Variants in RNF157 observed in about 807,000 individuals in gnomAD.
RNF157 encodes the protein ring finger protein 157, also known as E3 ubiquitin ligase RNF157.
A neutral mutation model predicts 88.3 loss-of-function variants in RNF157; 55 were observed. That is an observed-to-expected ratio of 0.62 (90% CI 0.50 to 0.78). The LOEUF is 0.78. Among genes scored for constraint, RNF157 ranks in the 30% least tolerant of loss-of-function variants. The pLI is 0.00. For missense variants in RNF157, 788 were observed against 860.8 expected (o/e 0.92, Z 1.06); for synonymous variants, 334 against 341.2 (o/e 0.98, Z 0.23).
chr17:76,234,149 T>G (rs767041574), intron 1 of RNF157, among the ~76,000 whole-genome samples: 2 of 152,234 alleles, frequency 1.3e-5, no homozygotes, highest in Non-Finnish European at 2.9e-5. Context: ...CTTTTGCACC[T>G]GGCTTATTTC....
rs560792711 is a variant in RNF157, at chr17:76,187,156, T to C, written c.208-13366A>G. Among the ~76,000 whole-genome samples the C allele has an allele frequency of 3.4e-3, 520 of 152,020 alleles. 1 individual carries two copies. The highest frequency in any genetic ancestry group is 5.0e-3 in the Non-Finnish European group (341 of 67,946). ...GGGAAGAAAGTCACTATTCAATCAA[T>C]AACTCTAATAGGATTTTCTTTTTTT... On this transcript the variant is annotated intron_variant, in intron 2 of 18. Transcript: ENST00000269391.
Position 76,240,449 on chromosome 17 carries a change from G to T in RNF157, c.-209C>A, listed in dbSNP as rs1449557958. The stretch of plus-strand genomic sequence containing the variant: ...CCGCGGCGGCGCCTCTGCCAAGGGG[G>T]CTGCGGGTCTGGGCCGGGGGCGCCG... On this transcript the variant is annotated 5_prime_UTR_variant, in exon 1 of 19. Transcript: ENST00000269391. The surrounding 1 kb of genome is among the most constrained non-coding windows in gnomAD (Gnocchi z 4.4). 1 of 147,252 alleles carries T rather than the reference G, an allele frequency of 6.8e-6. No homozygotes were observed. Among genetic ancestry groups the T allele is most frequent in the East Asian group, 2.0e-4 (1 of 5,096 alleles). 9.1% of individuals were successfully genotyped at this position (147,252 alleles called of 1,614,324 possible).
chr17:76,222,243 G>A (rs776754263), intron 1 of RNF157, among the ~76,000 whole-genome samples: 24 of 152,182 alleles, frequency 1.6e-4, no homozygotes, highest in East Asian at 7.7e-4. Flanking sequence ...CTACTTGGGA[G>A]GCTGAGGCAC....
At chr17:76,162,293 T>TA in intron 9 of RNF157, 1 of 580,960 alleles carries the variant, frequency 1.7e-6, no homozygotes, top group East Asian at 2.9e-5. Context: ...ATCACACAGA[T>TA]AAAGGAAAAG....
At chr17:76,203,025 G>T (rs904222268) in intron 2 of RNF157, among the ~76,000 whole-genome samples, 2 of 151,880 alleles carry the variant, frequency 1.3e-5, no homozygotes, top group Non-Finnish European at 2.9e-5. Context: ...AGAGGGTCTC[G>T]TCCAGCCCAG....
chr17:76,232,200 T>A (rs72868742), intron 1 of RNF157, among the ~76,000 whole-genome samples: 1 of 151,918 alleles, frequency 6.6e-6, no homozygotes, highest in South Asian at 2.1e-4. Context: ...CAGGGCAACG[T>A]AGTGGGACCC....
At position 76,152,406 on chromosome 17, in the gene RNF157, C is replaced by T. The variant is rs140091781; in HGVS notation, c.1870G>A (p.Ala624Thr). ...ECDNNNDFDI[A>T]SVKALDNKLC... is the part of the protein sequence containing the mutation. ...TTATTGTCCAGTGCTTTCACGCTTG[C>T]GATGTCAAAGTCATTGTTATTGTCA... Residue 624 changes from alanine to threonine, a missense_variant, in exon 18 of 19, where the codon GCA (alanine) becomes ACA (threonine). Ala to Thr is a moderately conservative substitution (Grantham distance 58, BLOSUM62 0). Coordinates refer to ENST00000269391, the MANE Select transcript of RNF157 (RefSeq NM_052916.3). 1.6e-4 allele frequency: 251 copies of T among 1,613,778 alleles called. 1 individual carries two copies. The African/African-American group carries it at 2.9e-3, about 18-fold the overall frequency.
intron 15 of RNF157, 21 bp downstream of exon 15, chr17:76,155,541 G>C (rs758260386): frequency 1.2e-6 from 2 of 1,607,090 alleles, no homozygotes; most frequent in South Asian, 1.1e-5. Flanking sequence ...AAGCCAGGGC[G>C]GTTCCCGTCC....
At chr17:76,153,134 G>C (rs534904737) in intron 17 of RNF157, 1 of 152,330 alleles carries the variant, frequency 6.6e-6, no homozygotes, top group Admixed American at 6.5e-5. Flanking sequence ...GTGAAACAGA[G>C]AGAAGAAAAC....
At chr17:76,185,333 T>C (rs1182475900) in intron 2 of RNF157, among the ~76,000 whole-genome samples, 2 of 152,346 alleles carry the variant, frequency 1.3e-5, no homozygotes, top group African/African-American at 2.4e-5. Flanking sequence ...TTGCTTTTAG[T>C]TGCAAAAGAT....
rs1458981950 is a variant in RNF157, at chr17:76,146,642, C to T, written c.1922-1289G>A. On this transcript the variant is annotated intron_variant, in intron 18 of 18. Transcript: ENST00000269391. The surrounding 1 kb of genome is among the most constrained non-coding windows in gnomAD (Gnocchi z 4.2). ...GGGAGGCCCAGTGTGCTCCTAAGTG[C>T]TCCCTGCAGCCTGAACTACTGCTCC... 4.1e-6 allele frequency: 4 copies of T among 985,370 alleles called. No individual in the cohort carries two copies. In the African/African-American group the frequency reaches 5.2e-5, roughly 13 times the overall value. 61.0% of individuals were successfully genotyped at this position (985,370 alleles called of 1,614,324 possible).
At chr17:76,147,066 T>C in intron 18 of RNF157, 2 of 985,384 alleles carry the variant, frequency 2.0e-6, no homozygotes, top group Non-Finnish European at 2.4e-6. Context: ...ATATCCAAAC[T>C]GAATTTGGGA....
chr17:76,155,419 A>G lies in RNF157; in HGVS notation c.1699-102T>C, dbSNP rs944929852. 9.7e-6 allele frequency: 14 copies of G among 1,449,104 alleles called. No individual in the cohort carries two copies. In the African/African-American group the frequency reaches 2.0e-4, roughly 20 times the overall value. 89.8% of individuals were successfully genotyped at this position (1,449,104 alleles called of 1,614,324 possible). A position where few individuals can be genotyped will look rare whatever the true frequency, so the allele number is the denominator to read the frequency against. ...AATTGGTGTCAAATAGGAGGGTCAGACCTAAGGGAATGCCTTGTTTTCTGC... is the reference window on the plus strand; with the variant it reads ...AATTGGTGTCAAATAGGAGGGTCAGGCCTAAGGGAATGCCTTGTTTTCTGC... On this transcript the variant is annotated intron_variant, in intron 15 of 18. Coordinates refer to ENST00000269391, the MANE Select transcript of RNF157 (RefSeq NM_052916.3).
In RNF157 at chr17:76,155,307, G is replaced by A. The variant is rs1245133315; in HGVS notation, c.1709C>T (p.Ala570Val). 1.1e-5 allele frequency: 17 copies of A among 1,613,956 alleles called. No individual in the cohort carries two copies. Among genetic ancestry groups the A allele is most frequent in the Admixed American group, 3.3e-5 (2 of 60,016 alleles). Reference sequence around the variant, plus strand: ...AGCAAAGTTGCTGTCTGGAGACTCCGCTGGCAGCCCCTGCAGAAGAGCACA... The same window carrying A: ...AGCAAAGTTGCTGTCTGGAGACTCCACTGGCAGCCCCTGCAGAAGAGCACA... ...APSEEGEGLPAESPDSNFAGL... is the reference protein window; with the variant it reads ...APSEEGEGLPVESPDSNFAGL... The change falls in exon 16 of 19, where the codon GCG becomes GTG. Residue 570 changes from alanine (A) to valine (V), a missense_variant. By Grantham distance (64) the Ala-to-Val change is moderately conservative. Coordinates refer to ENST00000269391, the MANE Select transcript of RNF157 (RefSeq NM_052916.3).
In RNF157 at chr17:76,237,306, G is replaced by C. The variant is rs192939380; in HGVS notation, c.88+2847C>G. On this transcript the variant is annotated intron_variant, in intron 1 of 18. Transcript: ENST00000269391. ...CGTCATTACAAGGACAGATGATGGT[G>C]CTTCTTTCCGAAACAACTGTTCCAC... Among the ~76,000 whole-genome samples, 282 of 152,362 alleles carry C rather than the reference G, an allele frequency of 1.9e-3. 2 individuals carry two copies. The highest frequency in any genetic ancestry group is 6.5e-3 in the African/African-American group (270 of 41,590).
At chr17:76,224,561 C>T (rs1013650898) in intron 1 of RNF157, among the ~76,000 whole-genome samples, 13 of 152,052 alleles carry the variant, frequency 8.5e-5, no homozygotes, top group African/African-American at 3.1e-4. Flanking sequence ...CAGCTCAATT[C>T]TATAATGCTA....
intron 9 of RNF157, 116 bp from the exon 10 acceptor site, chr17:76,162,118 G>T: frequency 1.3e-5 from 13 of 1,037,524 alleles, no homozygotes; most frequent in Non-Finnish European, 1.7e-5. Flanking sequence ...AACAAAATCT[G>T]CATTGACATT....
intron 1 of RNF157, among the ~76,000 whole-genome samples, chr17:76,219,557 C>T (rs868251008): frequency 2.0e-5 from 3 of 152,166 alleles, no homozygotes; most frequent in African/African-American, 7.2e-5. Context: ...AGGGACCAGA[C>T]AGAAGGTAGA....
intron 13 of RNF157, 47 bp downstream of exon 13, chr17:76,158,346 A>G: frequency 7.9e-7 from 1 of 1,270,178 alleles, no homozygotes; most frequent in Non-Finnish European, 1.1e-6. Flanking sequence ...GTAGGAGGGA[A>G]GTCCCTGGAG....
Sources: gnomAD v4.1 joint callset for allele counts (sites outside exome capture counted in the v4.1 genomes callset) on GRCh38, gnomAD v4.1.1 for gene constraint, Gnocchi (gnomAD v3.1) non-coding constraint, MANE v1.5 for transcripts, NCBI Gene and HGNC (gene_info 2026-07-23, HGNC 2026-07-21) for gene names.